Variants in SDCBP2 observed in about 807,000 individuals in gnomAD.
The protein encoded by SDCBP2 is syndecan binding protein 2.
Under a neutral mutation model 30.7 loss-of-function variants are expected in SDCBP2, and 28 were observed. The observed-to-expected ratio is 0.91, with a 90% CI of 0.68 to 1.25. The LOEUF (loss-of-function observed/expected upper bound fraction) is 1.25. Ranked by LOEUF, SDCBP2 falls within the 50% of genes most tolerant of loss-of-function variation. The pLI, the probability that SDCBP2 is intolerant of heterozygous loss-of-function variation, is 0.00. For synonymous variants in SDCBP2, 166 were observed against 157.3 expected, an observed-to-expected ratio of 1.06 and a Z score of -0.41; for missense variants, 399 against 379.0, an observed-to-expected ratio of 1.05 and a Z score of -0.44.
rs1423507439 is a variant in SDCBP2 at position 1,319,582 on chromosome 20, C to T, written c.124+8G>A. On this transcript the variant is annotated splice_region_variant and intron_variant, in intron 3 of 8. Coordinates refer to ENST00000360779, the MANE Select transcript of SDCBP2 (RefSeq NM_080489.5). ...GCACCCAGGAGCCCCTCATCCCAGC[C>T]CACTCACCTGGTGGTGGGGAAATGG... 6.4e-7 allele frequency: 1 copy of T among 1,563,052 alleles called. No individual in the cohort carries two copies. The highest frequency in any genetic ancestry group is 1.2e-5 in the South Asian group (1 of 84,930).
chr20:1,313,263 G>T lies in SDCBP2; in HGVS notation c.384+77C>A. 6.9e-7 allele frequency: 1 copy of T among 1,455,366 alleles called. No homozygotes were observed. The highest frequency in any genetic ancestry group is 9.4e-7 in the Non-Finnish European group (1 of 1,062,288). 90.2% of individuals were successfully genotyped at this position (1,455,366 alleles called of 1,614,324 possible). A position where few individuals can be genotyped will look rare whatever the true frequency, so the allele number is the denominator to read the frequency against. ...TCTGCACCTTCCTTACTGTGGACGG[G>T]CCCTCTGAGCTCTGAGGCCTGGCGG... On this transcript the variant is annotated intron_variant, in intron 5 of 8. Coordinates refer to ENST00000360779, the MANE Select transcript of SDCBP2 (RefSeq NM_080489.5). This position sits in a 1 kb window ranked among gnomAD's most constrained non-coding sequence, Gnocchi z 5.2.
intron 7 of SDCBP2, among the ~76,000 whole-genome samples, chr20:1,311,317 C>T (rs988307356): frequency 2.0e-5 from 3 of 152,186 alleles, no homozygotes; most frequent in African/African-American, 7.2e-5. Flanking sequence ...CTAGGCGTAC[C>T]CATCCACCCT....
intron 1 of SDCBP2, among the ~76,000 whole-genome samples, chr20:1,327,852 C>G (rs2088951945): frequency 1.3e-5 from 2 of 152,230 alleles, no homozygotes; most frequent in African/African-American, 2.4e-5. Flanking sequence ...TACTCAGCAC[C>G]TGCTAAGTCT....
chr20:1,310,918 C>T (rs2122497264), intron 7 of SDCBP2, 27 bp from the exon 8 acceptor site: 1 of 1,580,238 alleles, frequency 6.3e-7, no homozygotes, highest in South Asian at 1.1e-5. Context: ...TAAGCGATCA[C>T]CCTAAGGATT....
chr20:1,328,243 G>A (rs1443462622), intron 1 of SDCBP2, among the ~76,000 whole-genome samples: 1 of 152,140 alleles, frequency 6.6e-6, no homozygotes, highest in Non-Finnish European at 1.5e-5. Context: ...GGAGGTCATG[G>A]TGAGGACTTT....
At chr20:1,327,252 C>G (rs756356498) in intron 1 of SDCBP2, among the ~76,000 whole-genome samples, 2 of 152,168 alleles carry the variant, frequency 1.3e-5, no homozygotes, top group Non-Finnish European at 2.9e-5. Flanking sequence ...AGCTGGGCTT[C>G]GGAGATCAGC....
At position 1,320,552 on chromosome 20, in the gene SDCBP2, C is replaced by T; in HGVS notation, c.-19-117G>A. The T allele has an allele frequency of 1.3e-6, 1 of 757,702 alleles. No individual in the cohort carries two copies. The highest frequency in any genetic ancestry group is 1.8e-5 in the South Asian group (1 of 56,504). 46.9% of individuals were successfully genotyped at this position (757,702 alleles called of 1,614,324 possible). ...ACTTAATATTCAAACAGAAAGGCAG[C>T]AGGGCACTTAGAATGCCTCCCCGAA... On this transcript the variant is annotated intron_variant, in intron 1 of 8. Transcript: ENST00000360779. This position sits in a 1 kb window ranked among gnomAD's most constrained non-coding sequence, Gnocchi z 4.7.
At chr20:1,318,706 C>A (rs1451293182) in intron 3 of SDCBP2, among the ~76,000 whole-genome samples, 1 of 152,184 alleles carries the variant, frequency 6.6e-6, no homozygotes, top group Non-Finnish European at 1.5e-5. Flanking sequence ...TGGTTCCCAC[C>A]AGGACTGGCA....
rs971044892 is a variant in SDCBP2 at position 1,324,430 on chromosome 20, C to T, written c.-19-3995G>A. ...ACGAGACTGAGGGGACAGTCATATCCCTGTCGGGGGTGGGGGGGGCAGGGA... is the reference window on the plus strand; with the variant it reads ...ACGAGACTGAGGGGACAGTCATATCTCTGTCGGGGGTGGGGGGGGCAGGGA... On this transcript the variant is annotated intron_variant, in intron 1 of 8. Coordinates refer to ENST00000360779, the MANE Select transcript of SDCBP2 (RefSeq NM_080489.5). This position sits in a 1 kb window ranked among gnomAD's most constrained non-coding sequence, Gnocchi z 4.7. The T allele has an allele frequency of 9.2e-5, 14 of 151,952 alleles. No homozygotes were observed. Among genetic ancestry groups the T allele is most frequent in the African/African-American group, 2.2e-4 (9 of 41,392 alleles). The allele number at this position is 151,952 out of a possible 1,614,324, so 9.4% of individuals were successfully genotyped here.
At chr20:1,323,199 G>A (rs1372145090) in intron 1 of SDCBP2, 2 of 152,208 alleles carry the variant, frequency 1.3e-5, no homozygotes, top group African/African-American at 4.8e-5. Context: ...GGGAGGGGAG[G>A]GAGTCTGGCT....
chr20:1,319,771 G>T, intron 2 of SDCBP2, 112 bp from the exon 3 acceptor site: 1 of 850,062 alleles, frequency 1.2e-6, no homozygotes, highest in African/African-American at 1.7e-5. Flanking sequence ...TGGGCCCGGG[G>T]TGTGGGGGGA....
Position 1,312,430 on chromosome 20 carries a change from G to T in SDCBP2, c.639C>A (p.Val213=). The change falls in exon 7 of 9, where the codon GTC becomes GTA. Residue 213 remains valine, a synonymous_variant. Transcript: ENST00000360779. ...CCGCAGAACTCCCTTTGACCAGAGA[G>T]ACAATCTTCCCCTTCTTGATCACGA... ...VGFVIKKGKI[V]SLVKGSSAAR... The T allele has an allele frequency of 6.2e-7, 1 of 1,614,072 alleles. No individual in the cohort carries two copies. The highest frequency in any genetic ancestry group is 8.5e-7 in the Non-Finnish European group (1 of 1,179,978).
In SDCBP2 at chr20:1,313,375, C is replaced by G. The variant is rs767037068; in HGVS notation, c.349G>C (p.Gly117Arg). ...REIHLCKDER[G>R]KTGLRLRKVD... is the part of the protein sequence containing the mutation. ...TTCCGCAGCCTCAGCCCGGTCTTGC[C>G]GCGCTCGTCCTTGCACAGGTGGATC... The change falls in exon 5 of 9, where the codon GGC becomes CGC. Residue 117 changes from glycine (G) to arginine (R), a missense_variant. Gly to Arg is a moderately radical substitution (Grantham distance 125). Coordinates refer to ENST00000360779, the MANE Select transcript of SDCBP2 (RefSeq NM_080489.5). The surrounding 1 kb of genome is among the most constrained non-coding windows in gnomAD (Gnocchi z 5.2). 9 of 1,611,400 alleles carry G rather than the reference C, an allele frequency of 5.6e-6. No individual in the cohort carries two copies. The highest frequency in any genetic ancestry group is 6.8e-6 in the Non-Finnish European group (8 of 1,179,550).
chr20:1,310,833 A>G lies in SDCBP2; in HGVS notation c.791T>C (p.Ile264Thr). 1 of 1,613,904 alleles carries G rather than the reference A, an allele frequency of 6.2e-7. No individual in the cohort carries two copies. Among genetic ancestry groups the G allele is most frequent in the Non-Finnish European group, 8.5e-7 (1 of 1,179,906 alleles). Residue 264 changes from isoleucine (I) to threonine (T), a missense_variant, in exon 8 of 9, where the codon ATC (isoleucine) becomes ACC (threonine). Physicochemically the swap from Ile to Thr is moderately conservative, Grantham distance 89. Transcript: ENST00000360779. ...TAGNVVTLTI[I>T]PSVIYEHMVK... The stretch of plus-strand genomic sequence containing the variant: ...CATGTGCTCGTAGATCACACTGGGG[A>G]TGATGGTCAGGGTGACAACGTTCCC...
chr20:1,319,458 G>C (rs1009023293), intron 3 of SDCBP2, 132 bp downstream of exon 3: 2 of 985,100 alleles, frequency 2.0e-6, no homozygotes, highest in Non-Finnish European at 3.1e-6. Flanking sequence ...CTGGAAGCCT[G>C]GTCCTCTCTT....
chr20:1,319,416 A>C (rs981633022), intron 3 of SDCBP2, 174 bp downstream of exon 3: 62 of 672,482 alleles, frequency 9.2e-5, no homozygotes, highest in Non-Finnish European at 1.2e-4. Context: ...GACTCAGCCC[A>C]GGTCACCCAG....
chr20:1,324,122 T>G lies in SDCBP2; in HGVS notation c.-19-3687A>C, dbSNP rs1600285865. On this transcript the variant is annotated intron_variant, in intron 1 of 8. Coordinates refer to ENST00000360779, the MANE Select transcript of SDCBP2 (RefSeq NM_080489.5). This position sits in a 1 kb window ranked among gnomAD's most constrained non-coding sequence, Gnocchi z 4.7. ...ACTTCTCTGCTTGGCTTTTCCAGAC[T>G]GCATGATACCCAGGCTGCCTGGCTG... The G allele has an allele frequency of 1.3e-5, 2 of 152,372 alleles. No individual in the cohort carries two copies. The highest frequency in any genetic ancestry group is 2.1e-4 in the South Asian group (1 of 4,830). 9.4% of individuals were successfully genotyped at this position (152,372 alleles called of 1,614,324 possible).
chr20:1,318,324 A>C lies in SDCBP2; in HGVS notation c.219T>G (p.Gly73=). 6.2e-7 allele frequency: 1 copy of C among 1,611,078 alleles called. No individual in the cohort carries two copies. Among genetic ancestry groups the C allele is most frequent in the East Asian group, 2.2e-5 (1 of 44,872 alleles). ...VQESLLQIPE[G]DSTAVSGPGP... ...GCAGAAGCCAAATACATACACTGTCACCCTCTGGAATCTGAAGCAGGCTCT... is the reference window on the plus strand; with the variant it reads ...GCAGAAGCCAAATACATACACTGTCCCCCTCTGGAATCTGAAGCAGGCTCT... The change falls in exon 4 of 9, where the codon GGT becomes GGG. Residue 73 remains glycine (G), a synonymous_variant. Transcript: ENST00000360779.
At chr20:1,310,632 A>G (rs1460661825) in intron 8 of SDCBP2, 137 bp from the exon 9 acceptor site, 17 of 1,024,762 alleles carry the variant, frequency 1.7e-5, no homozygotes, top group Non-Finnish European at 2.3e-5. Flanking sequence ...ACCAGAAGCC[A>G]CAAGCTACCT....
Sources: allele counts gnomAD v4.1 joint callset (sites outside exome capture counted in the v4.1 genomes callset), GRCh38; gene constraint gnomAD v4.1.1; non-coding constraint Gnocchi (gnomAD v3.1); transcripts MANE v1.5; gene names NCBI Gene and HGNC (gene_info 2026-07-23, HGNC 2026-07-21).